GRK3: variants seen among roughly 807,000 people sequenced by gnomAD.
GRK3 encodes the protein G protein-coupled receptor kinase 3.
A neutral mutation model predicts 95.7 loss-of-function variants in GRK3; 54 were observed. That is an observed-to-expected ratio of 0.56 (90% confidence interval 0.45 to 0.71). The LOEUF (loss-of-function observed/expected upper bound fraction) is 0.71, where lower values mean the gene tolerates loss of function less well. Among genes scored for constraint, GRK3 ranks in the 30% least tolerant of loss-of-function variants. GRK3 has a pLI of 0.00. For missense variants in GRK3, 649 were observed against 851.2 expected (o/e 0.76, Z 2.96); for synonymous variants, 281 against 290.8 (o/e 0.97, Z 0.34).
chr22:25,610,798 G>GT, intron 2 of GRK3, among the ~76,000 whole-genome samples: 1 of 152,148 alleles, frequency 6.6e-6, no homozygotes, highest in Non-Finnish European at 1.5e-5. Flanking sequence ...GTCGTTGTGT[G>GT]TATCTGTACT....
At chr22:25,670,316 A>G (rs2084970666) in intron 6 of GRK3, among the ~76,000 whole-genome samples, 1 of 152,126 alleles carries the variant, frequency 6.6e-6, no homozygotes, top group Non-Finnish European at 1.5e-5. Context: ...CAACATAGCA[A>G]CACCCACTAT....
At chr22:25,671,859 CT>C (rs1488995897) in intron 6 of GRK3, among the ~76,000 whole-genome samples, 1 of 152,150 alleles carries the variant, frequency 6.6e-6, no homozygotes, top group Admixed American at 6.5e-5. Context: ...TGTGATGAGT[CT>C]AAATTAAAAT....
At chr22:25,576,519 T>G (rs1003067013) in intron 1 of GRK3, among the ~76,000 whole-genome samples, 2 of 152,244 alleles carry the variant, frequency 1.3e-5, no homozygotes, top group African/African-American at 4.8e-5. Context: ...AAGTTTTTAT[T>G]CTCAGAGAGC....
intron 18 of GRK3, among the ~76,000 whole-genome samples, chr22:25,717,003 C>T (rs2085391558): frequency 6.6e-6 from 1 of 152,296 alleles, no homozygotes; most frequent in Admixed American, 6.5e-5. Context: ...GAACCCAAAA[C>T]CATTCCCCCA....
chr22:25,707,039 C>G (rs2085305412), intron 15 of GRK3, among the ~76,000 whole-genome samples: 1 of 151,558 alleles, frequency 6.6e-6, no homozygotes, highest in Admixed American at 6.6e-5. Flanking sequence ...CCAGACAGGT[C>G]TTGAACTCCT....
chr22:25,623,249 C>T (rs997753546), intron 2 of GRK3, among the ~76,000 whole-genome samples: 16 of 152,162 alleles, frequency 1.1e-4, no homozygotes, highest in Admixed American at 9.8e-4. Context: ...GCCATACTTT[C>T]GTAAGTTATT....
intron 9 of GRK3, 40 bp downstream of exon 9, chr22:25,678,955 T>G (rs758719712): frequency 5.2e-6 from 7 of 1,347,260 alleles, no homozygotes; most frequent in East Asian, 2.3e-5. Flanking sequence ...AAAAATGTTT[T>G]GTTTGTTTCA....
rs540401414 is a variant in GRK3, at chr22:25,676,283, T to C, written c.647+1755T>C. ...CTTATTCTGTACTTGCACAGTGCAC[T>C]TTTTCATCCTAAGTGATATACTCTA... On this transcript the variant is annotated intron_variant, in intron 8 of 20. Transcript: ENST00000324198. Among the ~76,000 whole-genome samples the C allele has an allele frequency of 9.2e-5, 14 of 152,340 alleles. No homozygotes were observed. In the South Asian group the frequency reaches 2.9e-3, roughly 32 times the overall value.
intron 2 of GRK3, among the ~76,000 whole-genome samples, chr22:25,611,995 G>A (rs1186595280): frequency 1.3e-5 from 2 of 151,920 alleles, no homozygotes; most frequent in African/African-American, 4.8e-5. Flanking sequence ...ACCACACCCA[G>A]CTAATTTTTT....
intron 1 of GRK3, among the ~76,000 whole-genome samples, chr22:25,594,672 A>G (rs1004661172): frequency 3.3e-5 from 5 of 152,054 alleles, no homozygotes; most frequent in African/African-American, 4.8e-5. Flanking sequence ...AGGTCAGGAG[A>G]TCGAGACCAT....
intron 1 of GRK3, among the ~76,000 whole-genome samples, chr22:25,592,369 G>A (rs1932522173): frequency 6.6e-6 from 1 of 152,002 alleles, no homozygotes; most frequent in African/African-American, 2.4e-5. Context: ...TATTTATGTT[G>A]GGTACAGATC....
intron 13 of GRK3, among the ~76,000 whole-genome samples, chr22:25,701,074 G>C (rs2085255461): frequency 6.6e-6 from 1 of 152,168 alleles, no homozygotes; most frequent in South Asian, 2.1e-4. Flanking sequence ...CATTCTATCT[G>C]TAGTTCAGAA....
chr22:25,616,761 G>A (rs2084542478), intron 2 of GRK3, among the ~76,000 whole-genome samples: 1 of 152,176 alleles, frequency 6.6e-6, no homozygotes, highest in South Asian at 2.1e-4. Flanking sequence ...GGGGAGAAGT[G>A]GTTTGCTGGG....
chr22:25,634,953 T>G (rs752524610), intron 2 of GRK3, among the ~76,000 whole-genome samples: 5 of 152,232 alleles, frequency 3.3e-5, no homozygotes, highest in Non-Finnish European at 7.3e-5. Flanking sequence ...AATTATATTT[T>G]GAAATAACTT....
chr22:25,694,679 A>G lies in GRK3; in HGVS notation c.1053-428A>G, dbSNP rs978099340. ...CTCAGCACAATTGGTGGCACCACAC[A>G]GGGGTGGACGTCTCCATGCCTTCAA... On this transcript the variant is annotated intron_variant, in intron 12 of 20. Coordinates refer to ENST00000324198, the MANE Select transcript of GRK3 (RefSeq NM_005160.4). 2.6e-5 allele frequency among the ~76,000 whole-genome samples: 4 copies of G among 152,158 alleles called. No individual in the cohort carries two copies. In the East Asian group the frequency reaches 7.7e-4, roughly 29 times the overall value.
intron 9 of GRK3, among the ~76,000 whole-genome samples, chr22:25,681,136 T>C (rs1427800485): frequency 6.6e-6 from 1 of 152,126 alleles, no homozygotes; most frequent in Non-Finnish European, 1.5e-5. Context: ...AGTCAGTCAT[T>C]TAAGTTCCTC....
intron 2 of GRK3, among the ~76,000 whole-genome samples, chr22:25,638,147 C>T (rs1471652602): frequency 6.6e-6 from 1 of 152,196 alleles, no homozygotes; most frequent in African/African-American, 2.4e-5. Flanking sequence ...CATACTTCCA[C>T]CTAACATGAT....
intron 1 of GRK3, among the ~76,000 whole-genome samples, chr22:25,567,483 A>G (rs771722958): frequency 1.3e-5 from 2 of 152,224 alleles, no homozygotes; most frequent in Admixed American, 6.5e-5. Context: ...GATCCTGTAA[A>G]AAAGTTAATT....
intron 13 of GRK3, among the ~76,000 whole-genome samples, chr22:25,695,909 C>T (rs1357135358): frequency 6.6e-6 from 1 of 151,258 alleles, no homozygotes; most frequent in African/African-American, 2.4e-5. Context: ...TCTCTGCTCA[C>T]TGCAAGCTCC....
Sources: allele counts gnomAD v4.1 joint callset (sites outside exome capture counted in the v4.1 genomes callset), GRCh38; gene constraint gnomAD v4.1.1; transcripts MANE v1.5; gene names NCBI Gene and HGNC (gene_info 2026-07-23, HGNC 2026-07-21).